Variants in EXOSC10 observed in about 807,000 individuals in gnomAD.
EXOSC10 encodes the protein exosome complex component 10.
In EXOSC10, 94 loss-of-function variants were observed where a neutral mutation model predicts 126.6. That is an observed-to-expected ratio of 0.74 (90% CI 0.63 to 0.88). The LOEUF is 0.88. EXOSC10 is among the 40% of genes least tolerant of loss of function. The pLI is 0.00. For missense variants in EXOSC10, 1,041 were observed against 1,100.5 expected (o/e 0.95, Z 0.77); for synonymous variants, 395 against 400.8 (o/e 0.99, Z 0.17).
Position 11,069,227 on chromosome 1 carries a change from C to CTGTGTGTGTGTG in EXOSC10, c.2488+320_2488+331dup, listed in dbSNP as rs146028725. Among the ~76,000 whole-genome samples the CTGTGTGTGTGTG allele has an allele frequency of 1.7e-3, 226 of 135,256 alleles. 10 individuals carry two copies. The highest frequency in any genetic ancestry group is 3.9e-3 in the Middle Eastern group (1 of 256). The allele number at this position is 135,256 out of a possible 152,430, so 88.7% of individuals were successfully genotyped here. ...TTGAGATTTTTCAACAAACAAAATT[C>CTGTGTGTGTGTG]TGTGTGTGTGTGTGTGTGAGAGAGA... On this transcript the variant is annotated intron_variant, in intron 22 of 24. Transcript: ENST00000376936.
At chr1:11,088,437 G>C (rs1640619879) in intron 6 of EXOSC10, among the ~76,000 whole-genome samples, 1 of 152,142 alleles carries the variant, frequency 6.6e-6, no homozygotes. Context: ...GGAGACCCAA[G>C]CAGCTTTATA....
In EXOSC10 at chr1:11,069,627, T is replaced by C. The variant is rs752672802; in HGVS notation, c.2420A>G (p.Asp807Gly). Reference protein sequence around the residue: ...KRLKISKKPKDPEPPEKEFTP... With the variant: ...KRLKISKKPKGPEPPEKEFTP... ...AAACTCTTTTTCTGGTGGCTCTGGG[T>C]CCTTTGGCTTCTTGGAAATTTTGAG... Residue 807 changes from aspartate to glycine, a missense_variant, in exon 22 of 25, where the codon GAC (aspartate) becomes GGC (glycine). Asp to Gly is a moderately conservative substitution (Grantham distance 94). Transcript: ENST00000376936. 6.2e-7 allele frequency: 1 copy of C among 1,614,184 alleles called. No homozygotes were observed. The highest frequency in any genetic ancestry group is 1.1e-5 in the South Asian group (1 of 91,090).
At chr1:11,085,869 T>C (rs1436912157) in intron 9 of EXOSC10, among the ~76,000 whole-genome samples, 1 of 152,216 alleles carries the variant, frequency 6.6e-6, no homozygotes. Context: ...TCTGCATCTA[T>C]TGAGATAATC....
At chr1:11,085,686 CCT>C (rs1161060895) in intron 9 of EXOSC10, among the ~76,000 whole-genome samples, 1 of 152,060 alleles carries the variant, frequency 6.6e-6, no homozygotes. Context: ...AGAGGGCCTC[CCT>C]GTCTTGTGCC....
intron 5 of EXOSC10, 107 bp downstream of exon 5, chr1:11,090,907 A>T: frequency 8.4e-7 from 1 of 1,186,904 alleles, no homozygotes; most frequent in Non-Finnish European, 1.2e-6. Context: ...CTTTGAACAA[A>T]GGAGGGTGGG....
At chr1:11,088,226 C>G (rs748812500) in intron 6 of EXOSC10, 28 bp from the exon 7 acceptor site, 1 of 1,531,756 alleles carries the variant, frequency 6.5e-7, no homozygotes, top group South Asian at 1.2e-5. Context: ...AAAGAGAAAT[C>G]ATTCTGATTA....
At chr1:11,073,425 C>T (rs1160177794) in intron 19 of EXOSC10, among the ~76,000 whole-genome samples, 3 of 152,152 alleles carry the variant, frequency 2.0e-5, no homozygotes, top group Non-Finnish European at 2.9e-5. Context: ...AGCCACCATG[C>T]CCAGCCCAAG....
At chr1:11,069,878 G>A (rs1253244030) in intron 21 of EXOSC10, 148 bp from the exon 22 acceptor site, 16 of 817,646 alleles carry the variant, frequency 2.0e-5, no homozygotes, top group South Asian at 8.5e-5. Flanking sequence ...CTGGAACTTC[G>A]GGACCAACAC....
intron 9 of EXOSC10, 94 bp downstream of exon 9, chr1:11,087,354 G>A: frequency 6.9e-7 from 1 of 1,445,032 alleles, no homozygotes; most frequent in South Asian, 1.2e-5. Flanking sequence ...CTCCCAACTT[G>A]ACTGGTCTAG....
At chr1:11,089,346 G>A (rs572355395) in intron 6 of EXOSC10, among the ~76,000 whole-genome samples, 3 of 151,496 alleles carry the variant, frequency 2.0e-5, no homozygotes, top group East Asian at 3.9e-4. Flanking sequence ...GCGGTGGCTC[G>A]GGCCTGTAAT....
At position 11,090,666 on chromosome 1, in the gene EXOSC10, G is replaced by C; in HGVS notation, c.646C>G (p.Leu216Val). 1.9e-6 allele frequency: 3 copies of C among 1,604,164 alleles called. No individual in the cohort carries two copies. The highest frequency in any genetic ancestry group is 2.6e-6 in the Non-Finnish European group (3 of 1,174,272). The stretch of plus-strand genomic sequence containing the variant: ...GGGCGTTCCCGCCTTTCCTTAGAGA[G>C]AGCTGGGGATCCCAGCAGTGACAAA... ...PNAQKPLPQA[L>V]SKERRERPQD... The change falls in exon 6 of 25, where the codon CTC becomes GTC. Residue 216 changes from leucine to valine, a missense_variant and splice_region_variant. Around this residue, in one of 3 missense-constraint regions of EXOSC10, gnomAD observed 645 missense variants for 656.3 expected, o/e 0.98. Transcript: ENST00000376936.
In EXOSC10 at chr1:11,082,784, A is replaced by C; in HGVS notation, c.1184T>G (p.Leu395Arg). The change falls in exon 10 of 25, where the codon CTT becomes CGT. Residue 395 changes from leucine (L) to arginine (R), a missense_variant. Coordinates refer to ENST00000376936, the MANE Select transcript of EXOSC10 (RefSeq NM_001001998.3). ...GAGTGAGTGCCTGCCCAGGTTAAGA[A>C]GGCGTGCTGCCTGATGAGTATCAAA... Reference protein sequence around the residue: ...NMFDTHQAARLLNLGRHSLDH... With the variant: ...NMFDTHQAARRLNLGRHSLDH... The C allele has an allele frequency of 6.2e-7, 1 of 1,614,224 alleles. No individual in the cohort carries two copies. The highest frequency in any genetic ancestry group is 8.5e-7 in the Non-Finnish European group (1 of 1,180,034).
At chr1:11,090,054 G>A (rs1640716845) in intron 6 of EXOSC10, among the ~76,000 whole-genome samples, 1 of 143,996 alleles carries the variant, frequency 6.9e-6, no homozygotes, top group Non-Finnish European at 1.5e-5. Flanking sequence ...CTGGAGTGCA[G>A]TGACGCCATC....
At chr1:11,069,386 G>A (rs1639320739) in intron 22 of EXOSC10, among the ~76,000 whole-genome samples, 173 bp downstream of exon 22, 1 of 152,128 alleles carries the variant, frequency 6.6e-6, no homozygotes, top group South Asian at 2.1e-4. Context: ...GTGGTAATGA[G>A]GCTGCAGGCG....
In EXOSC10 at chr1:11,081,082, C is replaced by T; in HGVS notation, c.1437G>A (p.Lys479=). 1.2e-6 allele frequency: 2 copies of T among 1,614,094 alleles called. No homozygotes were observed. The highest frequency in any genetic ancestry group is 1.7e-6 in the Non-Finnish European group (2 of 1,180,004). ...VWQRSRDICL[K]KFIKPIFTDE... ...CTGTGTGACTGCGGCTGAGGTGTAC[C>T]TTGAGGCAGATGTCCCTGCTCCGTT... The change falls in exon 11 of 25, where the codon AAG becomes AAA. Residue 479 remains lysine (K), a splice_region_variant and synonymous_variant. Coordinates refer to ENST00000376936, the MANE Select transcript of EXOSC10 (RefSeq NM_001001998.3).
At position 11,069,718 on chromosome 1, in the gene EXOSC10, C is replaced by T; in HGVS notation, c.2329G>A (p.Ala777Thr). The T allele has an allele frequency of 6.2e-7, 1 of 1,607,982 alleles. No homozygotes were observed. The highest frequency in any genetic ancestry group is 8.5e-7 in the Non-Finnish European group (1 of 1,177,332). Residue 777 changes from alanine (A) to threonine (T), a missense_variant, in exon 22 of 25, where the codon GCA becomes ACA. This residue lies in a region of EXOSC10 where 388 missense variants were observed against 415.2 expected (regional missense o/e 0.93). Coordinates refer to ENST00000376936, the MANE Select transcript of EXOSC10 (RefSeq NM_001001998.3). ...VRQQVVLENAAKKRERATSDP... is the reference protein window; with the variant it reads ...VRQQVVLENATKKRERATSDP... Reference sequence around the variant, plus strand: ...CTTGTTGCTCGCTCTCTCTTCTTTGCAGCATTTTCTAGCTGTAGATCAGGA... The same window carrying T: ...CTTGTTGCTCGCTCTCTCTTCTTTGTAGCATTTTCTAGCTGTAGATCAGGA...
intron 17 of EXOSC10, 40 bp downstream of exon 17, chr1:11,076,802 G>A: frequency 7.0e-7 from 1 of 1,436,938 alleles, no homozygotes; most frequent in South Asian, 1.1e-5. Context: ...TAAATCCCAG[G>A]GGGTCCTCAT....
intron 13 of EXOSC10, 122 bp from the exon 14 acceptor site, chr1:11,079,944 G>C: frequency 1.3e-6 from 1 of 772,666 alleles, no homozygotes; most frequent in Non-Finnish European, 2.2e-6. Context: ...ACAGGTAGGT[G>C]ACTAAGGAAA....
chr1:11,068,126 AC>A, intron 23 of EXOSC10, 42 bp from the exon 24 acceptor site: 1 of 1,532,172 alleles, frequency 6.5e-7, no homozygotes, highest in Non-Finnish European at 9.0e-7. Context: ...GGGCACCTTG[AC>A]CACAAGATAC....
Sources: gnomAD v4.1 joint callset for allele counts (sites outside exome capture counted in the v4.1 genomes callset) on GRCh38, gnomAD v4.1.1 for gene constraint, gnomAD v4.1.1 regional missense constraint, MANE v1.5 for transcripts, NCBI Gene and HGNC (gene_info 2026-07-23, HGNC 2026-07-21) for gene names.